The following RTN4R variants were observed in gnomAD, a reference collection of about 807,000 sequenced individuals.
RTN4R encodes reticulon 4 receptor, also known as reticulon-4 receptor.
Under a neutral mutation model 27.7 loss-of-function variants are expected in RTN4R, and 4 were observed. The observed-to-expected ratio is 0.14, with a 90% CI of 0.07 to 0.33. RTN4R has a LOEUF of 0.33. RTN4R is among the 10% of genes least tolerant of loss of function. RTN4R has a pLI of 1.00. For missense variants in RTN4R, 554 were observed against 671.5 expected, an observed-to-expected ratio of 0.83 and a Z score of 1.93; for synonymous variants, 290 against 305.6, an observed-to-expected ratio of 0.95 and a Z score of 0.53.
intron 1 of RTN4R, among the ~76,000 whole-genome samples, chr22:20,258,691 G>A (rs1460912724): frequency 6.6e-6 from 1 of 152,194 alleles, no homozygotes; most frequent in Non-Finnish European, 1.5e-5. Flanking sequence ...TCCCAGGGCA[G>A]GGCCCTCATC....
At chr22:20,244,117 C>T (rs1308955727) in intron 1 of RTN4R, among the ~76,000 whole-genome samples, 1 of 152,232 alleles carries the variant, frequency 6.6e-6, no homozygotes, top group African/African-American at 2.4e-5. Flanking sequence ...ATGTGAATCC[C>T]CCTGGGAAGG....
At chr22:20,250,165 C>T (rs1355737059) in intron 1 of RTN4R, among the ~76,000 whole-genome samples, 2 of 152,254 alleles carry the variant, frequency 1.3e-5, no homozygotes, top group East Asian at 1.9e-4. Flanking sequence ...GCCAGAGCTC[C>T]GTGTCCGGGG....
chr22:20,257,004 C>A (rs1231166158), intron 1 of RTN4R, among the ~76,000 whole-genome samples: 1 of 152,248 alleles, frequency 6.6e-6, no homozygotes, highest in Non-Finnish European at 1.5e-5. Context: ...GGTTGAGGCA[C>A]CCTGGGCTTT....
chr22:20,247,137 C>T (rs752990936), intron 1 of RTN4R, among the ~76,000 whole-genome samples: 147 of 150,606 alleles, frequency 9.8e-4, no homozygotes, highest in African/African-American at 3.5e-3. Flanking sequence ...CATGGGTGGC[C>T]GGGAGGGGAA....
rs1380607945 is a variant in RTN4R, at chr22:20,264,090, GGGGA to G, written c.22+3977_22+3980del. 1.4e-4 allele frequency among the ~76,000 whole-genome samples: 22 copies of G among 152,370 alleles called. No homozygotes were observed. In the East Asian group the frequency reaches 4.2e-3, roughly 29 times the overall value. ...TCCCCTGAAATCAGCCCAAGCATCG[GGGGA>G]GAGGCACGTGACCAGACCCCAGACC... On this transcript the variant is annotated intron_variant, in intron 1 of 1. Transcript: ENST00000043402.
chr22:20,261,036 T>TC (rs973704275), intron 1 of RTN4R, among the ~76,000 whole-genome samples: 1 of 152,154 alleles, frequency 6.6e-6, no homozygotes, highest in Non-Finnish European at 1.5e-5. Flanking sequence ...CTAACGTGTC[T>TC]CTCAGGATGT....
intron 1 of RTN4R, chr22:20,249,217 G>C (rs750376479): frequency 1.9e-6 from 1 of 533,778 alleles, no homozygotes; most frequent in South Asian, 1.4e-5. Flanking sequence ...GGACACTAAT[G>C]AGCAAGTGAC....
intron 1 of RTN4R, 142 bp from the exon 2 acceptor site, chr22:20,243,252 G>T (rs1039835775): frequency 3.0e-5 from 23 of 763,260 alleles, no homozygotes; most frequent in Non-Finnish European, 5.0e-5. Flanking sequence ...CCACCCCCGG[G>T]AATCGCAGTG....
chr22:20,249,719 C>G (rs984610018), intron 1 of RTN4R, among the ~76,000 whole-genome samples: 1 of 152,202 alleles, frequency 6.6e-6, no homozygotes, highest in Non-Finnish European at 1.5e-5. Flanking sequence ...GTCTGCATGC[C>G]GCTGCGGCAG....
chr22:20,259,602 C>A (rs2051233056), intron 1 of RTN4R, among the ~76,000 whole-genome samples: 1 of 152,206 alleles, frequency 6.6e-6, no homozygotes, highest in Non-Finnish European at 1.5e-5. Context: ...CCTCCCCCAA[C>A]CCAGAGCCCT....
chr22:20,253,359 C>A (rs1346489461), intron 1 of RTN4R, among the ~76,000 whole-genome samples: 1 of 152,210 alleles, frequency 6.6e-6, no homozygotes, highest in African/African-American at 2.4e-5. Context: ...TGGTCCCCCT[C>A]CCCTGCTCAC....
intron 1 of RTN4R, chr22:20,249,098 C>T (rs377104865): frequency 2.8e-5 from 15 of 533,136 alleles, no homozygotes; most frequent in Non-Finnish European, 5.4e-5. Context: ...CACCAGGAGC[C>T]AACAAACACC....
In RTN4R at chr22:20,242,824, G is replaced by A. The variant is rs1227600653; in HGVS notation, c.309C>T (p.Gly103=). The change falls in exon 2 of 2, where the codon GGC becomes GGT. Residue 103 remains glycine, a synonymous_variant. Transcript: ENST00000043402. ...LARIDAAAFT[G]LALLEQLDLS... ...GGTCCAGCTGCTCCAGGAGGGCCAG[G>A]CCAGTGAAGGCAGCCGCATCAATTC... 6.2e-7 allele frequency: 1 copy of A among 1,613,074 alleles called. No homozygotes were observed. Among genetic ancestry groups the A allele is most frequent in the African/African-American group, 1.3e-5 (1 of 75,062 alleles).
Position 20,268,056 on chromosome 22 carries a change from A to T in RTN4R, c.22+15T>A. 1.7e-6 allele frequency: 2 copies of T among 1,173,304 alleles called. No individual in the cohort carries two copies. Among genetic ancestry groups the T allele is most frequent in the Non-Finnish European group, 2.1e-6 (2 of 949,838 alleles). 72.7% of individuals were successfully genotyped at this position (1,173,304 alleles called of 1,614,324 possible). Reference sequence around the variant, plus strand: ...CCCGCCGCCGGCCGGGCTCGGGTGCAGCGCGGACACTCACCTCCAGCGGAC... The same window carrying T: ...CCCGCCGCCGGCCGGGCTCGGGTGCTGCGCGGACACTCACCTCCAGCGGAC... On this transcript the variant is annotated intron_variant, in intron 1 of 1. Coordinates refer to ENST00000043402, the MANE Select transcript of RTN4R (RefSeq NM_023004.6).
At chr22:20,259,489 G>A (rs1452749482) in intron 1 of RTN4R, among the ~76,000 whole-genome samples, 1 of 152,130 alleles carries the variant, frequency 6.6e-6, no homozygotes, top group East Asian at 1.9e-4. Flanking sequence ...CAGAGCTGCA[G>A]GCAGCCTCCT....
At chr22:20,267,515 C>G (rs1476907129) in intron 1 of RTN4R, 1 of 431,434 alleles carries the variant, frequency 2.3e-6, no homozygotes, top group African/African-American at 2.1e-5. Flanking sequence ...GCTGCCTCCT[C>G]TCACCGCCCG....
At chr22:20,243,166 G>C (rs1216163523) in intron 1 of RTN4R, 56 bp from the exon 2 acceptor site, 1 of 1,558,940 alleles carries the variant, frequency 6.4e-7, no homozygotes, top group Non-Finnish European at 8.7e-7. Context: ...GGAGAAGCTG[G>C]AGGTTTTGCT....
Position 20,247,044 on chromosome 22 carries a change from G to T in RTN4R, c.23-3934C>A, listed in dbSNP as rs369205251. On this transcript the variant is annotated intron_variant, in intron 1 of 1. Transcript: ENST00000043402. ...ATGTCCTGCCCAAGCAGGAAGGCTG[G>T]CGGCCTGGCTAGTAATGGGGGAGGG... Among the ~76,000 whole-genome samples the T allele has an allele frequency of 2.1e-3, 316 of 152,314 alleles. 2 individuals are homozygous for T. The highest frequency in any genetic ancestry group is 7.3e-3 in the African/African-American group (304 of 41,576).
At chr22:20,262,013 A>G (rs1341178840) in intron 1 of RTN4R, among the ~76,000 whole-genome samples, 2 of 152,216 alleles carry the variant, frequency 1.3e-5, no homozygotes, top group Non-Finnish European at 2.9e-5. Context: ...CGGGGTGGGG[A>G]ACAAGATGGT....
Sources: allele counts gnomAD v4.1 joint callset (sites outside exome capture counted in the v4.1 genomes callset), GRCh38; gene constraint gnomAD v4.1.1; transcripts MANE v1.5; gene names NCBI Gene and HGNC (gene_info 2026-07-23, HGNC 2026-07-21).